The following DOCK2 variants were observed in gnomAD, a reference collection of about 807,000 sequenced individuals.
The protein encoded by DOCK2 is dedicator of cytokinesis 2.
A neutral mutation model predicts 248.9 loss-of-function variants in DOCK2; 87 were observed. The observed-to-expected ratio is 0.35, with a 90% confidence interval of 0.29 to 0.42. The LOEUF (loss-of-function observed/expected upper bound fraction) is 0.42, where lower values mean the gene tolerates loss of function less well. DOCK2 is among the 10% of genes least tolerant of loss of function. DOCK2 has a pLI of 1.00. For missense variants in DOCK2, 1,747 were observed against 2,300.2 expected (o/e 0.76, Z 4.92); for synonymous variants, 805 against 821.6 (o/e 0.98, Z 0.35).
chr5:169,826,422 G>C (rs371038898), intron 26 of DOCK2, among the ~76,000 whole-genome samples: 4 of 152,140 alleles, frequency 2.6e-5, no homozygotes, highest in African/African-American at 4.8e-5. Flanking sequence ...TCATCTCTGG[G>C]GGGGACGAGC....
At chr5:169,637,984 G>C (rs1377465183) in intron 1 of DOCK2, among the ~76,000 whole-genome samples, 1 of 152,160 alleles carries the variant, frequency 6.6e-6, no homozygotes, top group African/African-American at 2.4e-5. Context: ...AGCTTCGTCA[G>C]CCTCAGCCAT....
chr5:169,784,505 C>T (rs1285040197), intron 25 of DOCK2, among the ~76,000 whole-genome samples: 6 of 152,184 alleles, frequency 3.9e-5, no homozygotes, highest in Non-Finnish European at 4.4e-5. Context: ...GTAAGCAAAA[C>T]TATTTTCCTT....
At chr5:170,019,237 A>G in intron 33 of DOCK2, 129 bp downstream of exon 33, 1 of 1,403,618 alleles carries the variant, frequency 7.1e-7, no homozygotes, top group South Asian at 1.3e-5. Flanking sequence ...ACATTTATTC[A>G]TGGGTCCGGA....
intron 46 of DOCK2, among the ~76,000 whole-genome samples, chr5:170,072,337 G>A (rs1757704278): frequency 1.3e-5 from 2 of 152,132 alleles, no homozygotes; most frequent in African/African-American, 4.8e-5. Flanking sequence ...CCTCTGGGTT[G>A]TTACACATAC....
chr5:170,082,759 C>G, intron 51 of DOCK2, 37 bp from the exon 52 acceptor site: 1 of 1,613,248 alleles, frequency 6.2e-7, no homozygotes, highest in Non-Finnish European at 8.5e-7. Context: ...ATCTGATAAT[C>G]GCATCTTGGT....
At chr5:169,651,465 G>A (rs939599481) in intron 1 of DOCK2, among the ~76,000 whole-genome samples, 1 of 152,186 alleles carries the variant, frequency 6.6e-6, no homozygotes, top group African/African-American at 2.4e-5. Context: ...AAAGCAGGGA[G>A]GAGCTGGTCA....
intron 8 of DOCK2, 92 bp from the exon 9 acceptor site, chr5:169,689,160 T>C: frequency 8.3e-7 from 1 of 1,211,030 alleles, no homozygotes; most frequent in South Asian, 1.3e-5. Flanking sequence ...GCCAGTATGG[T>C]GTTGGGCACA....
rs577099243 is a variant in DOCK2, at chr5:169,687,059, T to C, written c.762-2193T>C. On this transcript the variant is annotated intron_variant, in intron 8 of 51. Coordinates refer to ENST00000520908, the MANE Select transcript of DOCK2 (RefSeq NM_004946.3). ...AGCTCAGCCCTCCAAATTGTTTTCC[T>C]TATTTATGATTGTGCTTCTCCTGGA... Among the ~76,000 whole-genome samples the C allele has an allele frequency of 3.3e-5, 5 of 152,270 alleles. No homozygotes were observed. In the East Asian group the frequency reaches 9.7e-4, roughly 29 times the overall value.
intron 8 of DOCK2, among the ~76,000 whole-genome samples, chr5:169,685,837 T>G (rs765999149): frequency 6.6e-6 from 1 of 152,140 alleles, no homozygotes; most frequent in Admixed American, 6.5e-5. Flanking sequence ...TTGCCCAAAG[T>G]CACAAATATT....
At chr5:169,922,854 A>G (rs1185849334) in intron 27 of DOCK2, among the ~76,000 whole-genome samples, 2 of 152,200 alleles carry the variant, frequency 1.3e-5, no homozygotes, top group East Asian at 1.9e-4. Context: ...GAATTCTTTG[A>G]AAGGGAGCTT....
intron 26 of DOCK2, among the ~76,000 whole-genome samples, chr5:169,813,280 C>T (rs1767867301): frequency 6.6e-6 from 1 of 152,162 alleles, no homozygotes; most frequent in African/African-American, 2.4e-5. Flanking sequence ...TCTCAAAACT[C>T]AAAAACTTCC....
chr5:169,975,238 G>A (rs148502606), intron 27 of DOCK2, among the ~76,000 whole-genome samples: 206 of 152,318 alleles, frequency 1.4e-3, no homozygotes, highest in African/African-American at 4.7e-3. Context: ...ACAAACTCCT[G>A]ACCCTAGGAA....
chr5:169,971,575 G>A (rs1015546963), intron 27 of DOCK2, among the ~76,000 whole-genome samples: 8 of 152,084 alleles, frequency 5.3e-5, no homozygotes, highest in Non-Finnish European at 1.2e-4. Flanking sequence ...TCTCATCATG[G>A]GGATCAGCTT....
Position 169,684,278 on chromosome 5 carries a change from T to G in DOCK2, c.689T>G (p.Phe230Cys). Residue 230 changes from phenylalanine to cysteine, a missense_variant, in exon 8 of 52, where the codon TTT (phenylalanine) becomes TGT (cysteine). Physicochemically the swap from Phe to Cys is radical, Grantham distance 205. Around this residue, in one of 4 missense-constraint regions of DOCK2, gnomAD observed 375 missense variants for 510.9 expected, o/e 0.73. Transcript: ENST00000520908. ...AGCCTCTATGTGTTTGTGAGAAACT[T>G]TGTGTGCAGAATTGGGGAAGATGCT... ...THSLYVFVRNFVCRIGEDAEL... is the reference protein window; with the variant it reads ...THSLYVFVRNCVCRIGEDAEL... The G allele has an allele frequency of 6.2e-7, 1 of 1,614,196 alleles. No individual in the cohort carries two copies. Among genetic ancestry groups the G allele is most frequent in the Non-Finnish European group, 8.5e-7 (1 of 1,180,028 alleles).
chr5:169,959,687 T>C (rs17738129), intron 27 of DOCK2, among the ~76,000 whole-genome samples: 6,060 of 152,244 alleles, frequency 0.04, 309 homozygotes, highest in East Asian at 0.21. Flanking sequence ...TTCTCAGGTC[T>C]CCAACTGTGT....
At chr5:169,993,145 G>T (rs1368296253) in intron 29 of DOCK2, among the ~76,000 whole-genome samples, 1 of 152,170 alleles carries the variant, frequency 6.6e-6, no homozygotes, top group African/African-American at 2.4e-5. Flanking sequence ...TTTCCATCTG[G>T]GGGATCAGAT....
chr5:169,955,007 G>A (rs1394073793), intron 27 of DOCK2, among the ~76,000 whole-genome samples: 1 of 152,232 alleles, frequency 6.6e-6, no homozygotes, highest in Non-Finnish European at 1.5e-5. Flanking sequence ...CCATGAGGAA[G>A]GCTCAAGGGA....
rs374788205 is a variant in DOCK2 at position 169,732,505 on chromosome 5, T to C, written c.2267+13714T>C. Among the ~76,000 whole-genome samples the C allele has an allele frequency of 7.9e-5, 12 of 152,250 alleles. No individual in the cohort carries two copies. In the East Asian group the frequency reaches 1.7e-3, roughly 22 times the overall value. On this transcript the variant is annotated intron_variant, in intron 22 of 51. Transcript: ENST00000520908. ...ACTTGATATCTTCTTTTCTAGTATA[T>C]CAAAGGCAACTCAAAGTTAGCACAT... is the stretch of plus-strand genomic sequence containing the variant.
intron 22 of DOCK2, 83 bp downstream of exon 22, chr5:169,718,874 C>T (rs961150774): frequency 8.1e-6 from 12 of 1,474,162 alleles, no homozygotes; most frequent in East Asian, 2.4e-5. Flanking sequence ...AGGAGAAACT[C>T]GTTTAAAAAA....
Sources: gnomAD v4.1 joint callset for allele counts (sites outside exome capture counted in the v4.1 genomes callset) on GRCh38, gnomAD v4.1.1 for gene constraint, gnomAD v4.1.1 regional missense constraint, MANE v1.5 for transcripts, NCBI Gene and HGNC (gene_info 2026-07-23, HGNC 2026-07-21) for gene names.